The following BANK1 variants were observed in gnomAD, a reference collection of about 807,000 sequenced individuals.
BANK1 encodes the protein B-cell scaffold protein with ankyrin repeats.
A neutral mutation model predicts 94.5 loss-of-function variants in BANK1; 95 were observed. The ratio of observed to expected loss-of-function variants is 1.00; its 90% CI spans 0.85 to 1.19. The LOEUF is 1.19. Ranked by LOEUF, BANK1 falls within the 50% of genes most tolerant of loss-of-function variation. BANK1 has a pLI of 0.00. For synonymous variants in BANK1, 334 were observed against 308.4 expected (o/e 1.08, Z -0.87); for missense variants, 987 against 932.2 (o/e 1.06, Z -0.77).
At chr4:101,804,329 GGAGTATCT>G (rs767117861) in intron 1 of BANK1, among the ~76,000 whole-genome samples, 5 of 152,150 alleles carry the variant, frequency 3.3e-5, no homozygotes, top group Non-Finnish European at 5.9e-5. Flanking sequence ...TCAAGTGTTG[GGAGTATCT>G]GCTAAAATGG....
Position 101,829,887 on chromosome 4 carries a change from T to C in BANK1, c.150T>C (p.His50=). 1.2e-6 allele frequency: 2 copies of C among 1,612,564 alleles called. No homozygotes were observed. Among genetic ancestry groups the C allele is most frequent in the South Asian group, 1.1e-5 (1 of 90,956 alleles). ...WALYLTEVFL[H]VVKREAILLY... ...TGTACTTGACAGAAGTATTTTTACA[T>C]GTTGTGAAAAGGGAAGCCATCCTGT... The change falls in exon 2 of 17, where the codon CAT becomes CAC. Residue 50 remains histidine, a synonymous_variant. Transcript: ENST00000322953.
chr4:101,962,019 C>A (rs914175149), intron 7 of BANK1, among the ~76,000 whole-genome samples: 4 of 152,134 alleles, frequency 2.6e-5, no homozygotes, highest in Admixed American at 2.6e-4. Context: ...TCGTGCCTCC[C>A]TGGTGAAATA....
chr4:101,855,568 G>T (rs912520323), intron 3 of BANK1, among the ~76,000 whole-genome samples: 1 of 152,058 alleles, frequency 6.6e-6, no homozygotes, highest in Non-Finnish European at 1.5e-5. Flanking sequence ...AATAGTGAAG[G>T]TTATATGGAA....
chr4:101,881,423 G>A (rs771039399), intron 5 of BANK1, among the ~76,000 whole-genome samples: 4 of 152,038 alleles, frequency 2.6e-5, no homozygotes, highest in Non-Finnish European at 4.4e-5. Context: ...CCAAAAGACA[G>A]GCAATAACAA....
intron 7 of BANK1, among the ~76,000 whole-genome samples, chr4:102,000,639 A>T (rs1726033704): frequency 6.6e-6 from 1 of 152,192 alleles, no homozygotes. Context: ...AAGGAAACTG[A>T]TACATGTGTT....
chr4:101,956,364 C>T (rs908253766), intron 7 of BANK1, among the ~76,000 whole-genome samples: 2 of 152,150 alleles, frequency 1.3e-5, no homozygotes, highest in South Asian at 2.1e-4. Flanking sequence ...AGAAAATTCC[C>T]ACTATGCAGG....
At chr4:101,834,843 C>G (rs1196356149) in intron 2 of BANK1, among the ~76,000 whole-genome samples, 5 of 151,852 alleles carry the variant, frequency 3.3e-5, no homozygotes, top group Non-Finnish European at 5.9e-5. Flanking sequence ...TAATATAACA[C>G]AAAGAAAAAT....
At chr4:101,927,467 G>T (rs1013408572) in intron 7 of BANK1, among the ~76,000 whole-genome samples, 6 of 151,582 alleles carry the variant, frequency 4.0e-5, no homozygotes. Context: ...CAACTATATT[G>T]ATCACAGACC....
chr4:101,817,565 A>G (rs2052445), intron 1 of BANK1, among the ~76,000 whole-genome samples: 45,657 of 151,996 alleles, frequency 0.3, 6,925 homozygotes, highest in African/African-American at 0.34. Flanking sequence ...ATCAGGAAGA[A>G]TAACTAATGG....
intron 7 of BANK1, among the ~76,000 whole-genome samples, chr4:102,016,717 C>G (rs191950746): frequency 5.4e-4 from 82 of 152,306 alleles, no homozygotes; most frequent in Admixed American, 7.2e-4. Flanking sequence ...AACCTTCTCT[C>G]CTGATTTTTC....
chr4:102,007,073 TATATATAAATATATATATA>T (rs1449585311), intron 7 of BANK1, among the ~76,000 whole-genome samples: 2 of 100,426 alleles, frequency 2.0e-5, no homozygotes, highest in East Asian at 4.5e-4. Context: ...TAATTTTATA[TATATATAAATATATATATA>T]ATATATTTAT....
At chr4:102,025,786 G>A (rs1727070927) in intron 9 of BANK1, among the ~76,000 whole-genome samples, 1 of 147,530 alleles carries the variant, frequency 6.8e-6, no homozygotes, top group Non-Finnish European at 1.5e-5. Context: ...CTTTTTCTCT[G>A]TTTCTCTCTT....
intron 7 of BANK1, among the ~76,000 whole-genome samples, chr4:101,961,937 A>C (rs936830411): frequency 2.0e-5 from 3 of 152,296 alleles, no homozygotes; most frequent in Middle Eastern, 3.4e-3. Flanking sequence ...GTGCTTGCTT[A>C]TATAAGTTCA....
At chr4:101,992,498 G>A (rs1725741700) in intron 7 of BANK1, among the ~76,000 whole-genome samples, 2 of 151,982 alleles carry the variant, frequency 1.3e-5, no homozygotes, top group African/African-American at 2.4e-5. Flanking sequence ...TTTTTATACA[G>A]CTTGTGTTTA....
chr4:101,946,174 T>G (rs539272364), intron 7 of BANK1, among the ~76,000 whole-genome samples: 1 of 152,050 alleles, frequency 6.6e-6, no homozygotes, highest in East Asian at 1.9e-4. Context: ...TTCCACACAA[T>G]AAGAAGACAT....
In BANK1 at chr4:101,839,621, C is replaced by A. The variant is rs140379988; in HGVS notation, c.469+9415C>A. On this transcript the variant is annotated intron_variant, in intron 2 of 16. Coordinates refer to ENST00000322953, the MANE Select transcript of BANK1 (RefSeq NM_017935.5). Reference sequence around the variant, plus strand: ...ATTGAGAACCTATATTTTTCAGCCCCGTTATTATGCTACCCTATCCCCTAA... The same window carrying A: ...ATTGAGAACCTATATTTTTCAGCCCAGTTATTATGCTACCCTATCCCCTAA... 2.0e-5 allele frequency among the ~76,000 whole-genome samples: 3 copies of A among 152,160 alleles called. No individual in the cohort carries two copies. The East Asian group carries it at 5.8e-4, about 29-fold the overall frequency.
chr4:101,842,666 A>C (rs1727097582), intron 2 of BANK1, among the ~76,000 whole-genome samples: 1 of 152,226 alleles, frequency 6.6e-6, no homozygotes, highest in Non-Finnish European at 1.5e-5. Flanking sequence ...ACTCAAGTCT[A>C]ATCTATGTGT....
chr4:102,066,917 A>G (rs1225052928), intron 13 of BANK1, among the ~76,000 whole-genome samples: 4 of 152,196 alleles, frequency 2.6e-5, no homozygotes, highest in African/African-American at 9.6e-5. Context: ...GCAATCATGC[A>G]AAGGACAGTG....
intron 1 of BANK1, among the ~76,000 whole-genome samples, chr4:101,798,440 A>G (rs1386152394): frequency 5.9e-5 from 9 of 152,218 alleles, no homozygotes; most frequent in African/African-American, 2.2e-4. Context: ...GAATTCCATT[A>G]GTAATACATT....
Sources: gnomAD v4.1 joint callset for allele counts (sites outside exome capture counted in the v4.1 genomes callset) on GRCh38, gnomAD v4.1.1 for gene constraint, MANE v1.5 for transcripts, NCBI Gene and HGNC (gene_info 2026-07-23, HGNC 2026-07-21) for gene names.